SCAPER: variants seen among roughly 807,000 people sequenced by gnomAD.
SCAPER encodes S-phase cyclin A associated protein in the ER.
In SCAPER, 98 loss-of-function variants were observed where a neutral mutation model predicts 182.2. The observed-to-expected ratio is 0.54, with a 90% CI of 0.46 to 0.64. The LOEUF is 0.64. Ranked by LOEUF, SCAPER falls within the 30% of genes least tolerant of loss-of-function variation. The pLI is 0.00. For missense variants in SCAPER, 1,432 were observed against 1,690.0 expected (o/e 0.85, Z 2.68); for synonymous variants, 605 against 564.6 (o/e 1.07, Z -1.01).
intron 21 of SCAPER, among the ~76,000 whole-genome samples, chr15:76,654,292 C>T (rs1158417673): frequency 6.6e-6 from 1 of 151,986 alleles, no homozygotes; most frequent in Non-Finnish European, 1.5e-5. Context: ...CCTGTAGTCC[C>T]AGCTACTCGG....
chr15:76,834,535 T>C (rs950353564), intron 5 of SCAPER, among the ~76,000 whole-genome samples: 1 of 151,924 alleles, frequency 6.6e-6, no homozygotes, highest in East Asian at 1.9e-4. Flanking sequence ...CGGGCAAGGA[T>C]ACTCACCACC....
intron 5 of SCAPER, among the ~76,000 whole-genome samples, chr15:76,811,747 C>T (rs1568213876): frequency 6.6e-6 from 1 of 151,474 alleles, no homozygotes; most frequent in Non-Finnish European, 1.5e-5. Flanking sequence ...GAGATCACGC[C>T]ATTGCACTCC....
chr15:76,583,132 C>T (rs558125784), intron 22 of SCAPER, among the ~76,000 whole-genome samples: 9 of 152,062 alleles, frequency 5.9e-5, no homozygotes, highest in African/African-American at 1.9e-4. Context: ...GTGGGCGGAT[C>T]ACGAGGTCAG....
intron 8 of SCAPER, among the ~76,000 whole-genome samples, chr15:76,777,706 T>C (rs2151359631): frequency 6.6e-6 from 1 of 151,792 alleles, no homozygotes; most frequent in Admixed American, 6.6e-5. Flanking sequence ...AAAAAGTAAA[T>C]AAATAAATAA....
Position 76,376,309 on chromosome 15 carries a change from A to G in SCAPER, c.3708T>C (p.Ser1236=). Residue 1236 remains serine (S), a splice_region_variant and synonymous_variant, in exon 29 of 32, where the codon TCT becomes TCC. Transcript: ENST00000563290. ...GGGACAAGCCCTCTGCCCCTACAATAGACTGACAAAGACAAGGAGCAGTTA... is the reference window on the plus strand; with the variant it reads ...GGGACAAGCCCTCTGCCCCTACAATGGACTGACAAAGACAAGGAGCAGTTA... ...FAALHLPAFQ[S]IVGAEGLSLA... is the part of the protein sequence containing the mutation. 1 of 1,609,782 alleles carries G rather than the reference A, an allele frequency of 6.2e-7. No homozygotes were observed. Among genetic ancestry groups the G allele is most frequent in the Middle Eastern group, 1.7e-4 (1 of 6,040 alleles).
At chr15:76,716,886 G>A (rs1039777487) in intron 17 of SCAPER, among the ~76,000 whole-genome samples, 1 of 151,482 alleles carries the variant, frequency 6.6e-6, no homozygotes, top group Admixed American at 6.6e-5. Context: ...CCTAAATCTT[G>A]GGACTTAGGA....
intron 22 of SCAPER, among the ~76,000 whole-genome samples, chr15:76,585,175 T>A (rs1203271005): frequency 6.6e-6 from 1 of 152,182 alleles, no homozygotes; most frequent in Non-Finnish European, 1.5e-5. Context: ...CAGGATAATA[T>A]ATATTTCTTT....
chr15:76,483,937 G>GT (rs1263949807), intron 24 of SCAPER, among the ~76,000 whole-genome samples: 1 of 152,116 alleles, frequency 6.6e-6, no homozygotes, highest in Non-Finnish European at 1.5e-5. Context: ...CAGTTTGGTA[G>GT]TTCTTTATAA....
At position 76,775,105 on chromosome 15, in the gene SCAPER, G is replaced by A; in HGVS notation, c.785C>T (p.Ala262Val). The A allele has an allele frequency of 6.2e-7, 1 of 1,611,876 alleles. No individual in the cohort carries two copies. Among genetic ancestry groups the A allele is most frequent in the East Asian group, 2.2e-5 (1 of 44,838 alleles). ...TCTCTGAACGGTCTCCCATCCTTCA[G>A]CATCTTTCCGTTCTATGCAATTAAA... is the stretch of plus-strand genomic sequence containing the variant. ...KASRKNERKD[A>V]EGWETVQRGR... The change falls in exon 9 of 32, where the codon GCT (alanine) becomes GTT (valine). Residue 262 changes from alanine (A) to valine (V), a missense_variant. By Grantham distance (64) the Ala-to-Val change is moderately conservative (BLOSUM62 0). Coordinates refer to ENST00000563290, the MANE Select transcript of SCAPER (RefSeq NM_020843.4).
chr15:76,899,484 AGTG>A (rs2074631218), intron 1 of SCAPER, among the ~76,000 whole-genome samples: 1 of 152,212 alleles, frequency 6.6e-6, no homozygotes. Context: ...CCCAGGCTGG[AGTG>A]CAGTGGCCTG....
chr15:76,800,799 G>C (rs1041280665), intron 6 of SCAPER, among the ~76,000 whole-genome samples: 19 of 152,228 alleles, frequency 1.2e-4, no homozygotes, highest in Non-Finnish European at 1.6e-4. Flanking sequence ...AGGGTTAAAT[G>C]AAGAGTAGGA....
intron 15 of SCAPER, among the ~76,000 whole-genome samples, chr15:76,737,958 C>G (rs1370610274): frequency 2.6e-5 from 4 of 152,152 alleles, no homozygotes; most frequent in African/African-American, 7.2e-5. Flanking sequence ...AATGTTGTGG[C>G]TGGTTTGATC....
At position 76,392,212 on chromosome 15, in the gene SCAPER, T is replaced by C. The variant is rs531184665; in HGVS notation, c.3468-10597A>G. Among the ~76,000 whole-genome samples the C allele has an allele frequency of 2.0e-5, 3 of 152,334 alleles. No homozygotes were observed. In the East Asian group the frequency reaches 5.8e-4, roughly 29 times the overall value. On this transcript the variant is annotated intron_variant, in intron 27 of 31. Transcript: ENST00000563290. ...TGGCTTGATTTACCTTTCCTGCCTA[T>C]CTCCTTTTAATTTTTAATTAAAAAA...
chr15:76,876,214 G>A (rs1398412604), intron 2 of SCAPER, among the ~76,000 whole-genome samples: 1 of 152,156 alleles, frequency 6.6e-6, no homozygotes, highest in East Asian at 1.9e-4. Flanking sequence ...CTCCCGGCAA[G>A]CTGAGGGAGC....
intron 24 of SCAPER, 87 bp from the exon 25 acceptor site, chr15:76,471,422 G>A (rs2050157480): frequency 1.4e-6 from 2 of 1,402,804 alleles, no homozygotes; most frequent in South Asian, 1.5e-5. Flanking sequence ...TGGTATGAAA[G>A]CCAACAGGCA....
At chr15:76,492,868 GTT>G (rs1185376117) in intron 24 of SCAPER, among the ~76,000 whole-genome samples, 9 of 121,652 alleles carry the variant, frequency 7.4e-5, no homozygotes, top group Admixed American at 8.3e-5. Flanking sequence ...ATCTGAGAGT[GTT>G]TTTTTTTTTT....
chr15:76,668,220 A>G (rs2056769012), intron 20 of SCAPER, among the ~76,000 whole-genome samples: 1 of 151,982 alleles, frequency 6.6e-6, no homozygotes, highest in Non-Finnish European at 1.5e-5. Flanking sequence ...TACCACCACC[A>G]CCTGCTCTAA....
At chr15:76,774,746 A>G in intron 9 of SCAPER, 109 bp downstream of exon 9, 1 of 1,246,446 alleles carries the variant, frequency 8.0e-7, no homozygotes, top group Non-Finnish European at 1.1e-6. Flanking sequence ...ATAGACCTGA[A>G]AATTTTCACA....
At chr15:76,773,826 A>G (rs144268176) in intron 9 of SCAPER, among the ~76,000 whole-genome samples, 314 of 151,990 alleles carry the variant, frequency 2.1e-3, no homozygotes, top group African/African-American at 7.3e-3. Context: ...TATTACAACC[A>G]TTTTACAACT....
Sources: gnomAD v4.1 joint callset for allele counts (sites outside exome capture counted in the v4.1 genomes callset) on GRCh38, gnomAD v4.1.1 for gene constraint, MANE v1.5 for transcripts, NCBI Gene and HGNC (gene_info 2026-07-23, HGNC 2026-07-21) for gene names.